Variants in ASIC2 observed in about 807,000 individuals in gnomAD.
ASIC2 encodes acid sensing ion channel subunit 2, also known as acid-sensing ion channel 2.
In ASIC2, 25 loss-of-function variants were observed where a neutral mutation model predicts 57.3. That is an observed-to-expected ratio of 0.44 (90% CI 0.32 to 0.61). The LOEUF (loss-of-function observed/expected upper bound fraction) is 0.61. Among genes scored for constraint, ASIC2 ranks in the 20% least tolerant of loss-of-function variants. The pLI is 0.06. For synonymous variants in ASIC2, 319 were observed against 307.5 expected, an observed-to-expected ratio of 1.04 and a Z score of -0.39; for missense variants, 641 against 738.1, an observed-to-expected ratio of 0.87 and a Z score of 1.52.
chr17:33,474,058 C>T (rs1913138639), intron 1 of ASIC2, among the ~76,000 whole-genome samples: 1 of 152,192 alleles, frequency 6.6e-6, no homozygotes, highest in Non-Finnish European at 1.5e-5. Flanking sequence ...TTGAGTCAGA[C>T]AGAGTCCTAA....
intron 1 of ASIC2, among the ~76,000 whole-genome samples, chr17:33,890,344 A>C (rs1206016988): frequency 6.6e-6 from 1 of 152,214 alleles, no homozygotes; most frequent in East Asian, 1.9e-4. Context: ...GTAAACACCC[A>C]TCCTGCATGG....
intron 1 of ASIC2, among the ~76,000 whole-genome samples, chr17:33,419,239 G>A (rs1349700082): frequency 6.6e-6 from 1 of 152,244 alleles, no homozygotes; most frequent in Non-Finnish European, 1.5e-5. Flanking sequence ...ACTCATAAAT[G>A]TGTGCTGGGT....
At chr17:33,643,012 T>C (rs1015069376) in intron 1 of ASIC2, among the ~76,000 whole-genome samples, 2 of 152,168 alleles carry the variant, frequency 1.3e-5, no homozygotes, top group Admixed American at 6.5e-5. Flanking sequence ...ACGTAGATAC[T>C]CCAGTAAGTT....
intron 3 of ASIC2, among the ~76,000 whole-genome samples, chr17:33,054,880 G>T (rs1223334292): frequency 6.6e-6 from 1 of 152,150 alleles, no homozygotes; most frequent in Non-Finnish European, 1.5e-5. Flanking sequence ...TTATTTTAGG[G>T]CGTGATGTAG....
chr17:33,058,505 A>G (rs2092007451), intron 3 of ASIC2, among the ~76,000 whole-genome samples: 1 of 151,420 alleles, frequency 6.6e-6, no homozygotes, highest in African/African-American at 2.4e-5. Flanking sequence ...AACCCAAAAC[A>G]ACAACAAAAA....
chr17:33,291,315 C>T, intron 1 of ASIC2, 93 bp downstream of exon 1: 1 of 1,471,044 alleles, frequency 6.8e-7, no homozygotes, highest in Non-Finnish European at 9.0e-7. Flanking sequence ...TGCAAGAGGC[C>T]TGGGGACAGC....
chr17:33,846,994 C>G (rs1913626084), intron 1 of ASIC2, among the ~76,000 whole-genome samples: 1 of 152,110 alleles, frequency 6.6e-6, no homozygotes. Flanking sequence ...GCTCCTCAGG[C>G]TCTCAGCAAG....
At chr17:33,027,317 C>G (rs1598240956) in intron 4 of ASIC2, among the ~76,000 whole-genome samples, 2 of 152,108 alleles carry the variant, frequency 1.3e-5, no homozygotes, top group East Asian at 3.9e-4. Context: ...CAGATTATCA[C>G]AGAAAACAAT....
intron 1 of ASIC2, among the ~76,000 whole-genome samples, chr17:33,598,955 T>G (rs1361518856): frequency 2.0e-5 from 3 of 152,148 alleles, no homozygotes; most frequent in Non-Finnish European, 4.4e-5. Context: ...TGGAAACAGA[T>G]AGCACCATTT....
At chr17:33,682,226 ATT>A (rs72139419) in intron 1 of ASIC2, among the ~76,000 whole-genome samples, 90 of 146,022 alleles carry the variant, frequency 6.2e-4, no homozygotes, top group Non-Finnish European at 8.5e-4. Context: ...TGCCTGGCTA[ATT>A]TTTTTTTTTT....
intron 1 of ASIC2, among the ~76,000 whole-genome samples, chr17:34,138,244 C>T (rs1376909181): frequency 6.6e-6 from 1 of 152,150 alleles, no homozygotes; most frequent in African/African-American, 2.4e-5. Flanking sequence ...CGATTGTGTC[C>T]CTGGGAGGAT....
intron 1 of ASIC2, among the ~76,000 whole-genome samples, chr17:33,855,846 G>A (rs1247232451): frequency 6.6e-6 from 1 of 152,162 alleles, no homozygotes; most frequent in Non-Finnish European, 1.5e-5. Context: ...CATGAGACAG[G>A]AGTAGCCAAA....
chr17:34,109,695 T>C (rs1301016529), intron 1 of ASIC2, among the ~76,000 whole-genome samples: 2 of 152,198 alleles, frequency 1.3e-5, no homozygotes, highest in Non-Finnish European at 2.9e-5. Context: ...TAAACCTGCA[T>C]CTTTTCATGT....
intron 1 of ASIC2, among the ~76,000 whole-genome samples, chr17:33,558,471 TC>T (rs1915975299): frequency 6.6e-6 from 1 of 152,234 alleles, no homozygotes; most frequent in South Asian, 2.1e-4. Flanking sequence ...TGTGGTGTTC[TC>T]TAATCTCCTC....
chr17:33,291,232 T>G (rs996470385), intron 1 of ASIC2, 176 bp downstream of exon 1: 6 of 1,356,830 alleles, frequency 4.4e-6, no homozygotes, highest in Non-Finnish European at 5.7e-6. Flanking sequence ...AAGTCCAAGT[T>G]CCCACAACCT....
intron 1 of ASIC2, among the ~76,000 whole-genome samples, chr17:33,288,714 T>TAACACACACA: frequency 1.1e-5 from 1 of 91,708 alleles, no homozygotes; most frequent in Non-Finnish European, 2.3e-5. Context: ...GAGCTCTCTC[T>TAACACACACA]GACACACACA....
chr17:33,251,129 C>T (rs1597651318), intron 1 of ASIC2, among the ~76,000 whole-genome samples: 1 of 152,148 alleles, frequency 6.6e-6, no homozygotes, highest in Non-Finnish European at 1.5e-5. Flanking sequence ...ACAGACAGAT[C>T]CTGGGCTAAA....
chr17:33,080,783 CG>C (rs2092110153), intron 3 of ASIC2, among the ~76,000 whole-genome samples: 1 of 152,068 alleles, frequency 6.6e-6, no homozygotes, highest in South Asian at 2.1e-4. Context: ...GACCAGCAGG[CG>C]GGCAGTGTAT....
chr17:33,667,248 G>A (rs1907506201), intron 1 of ASIC2, among the ~76,000 whole-genome samples: 4 of 152,224 alleles, frequency 2.6e-5, no homozygotes, highest in African/African-American at 4.8e-5. Flanking sequence ...CGCAGGTGTG[G>A]TTGGCACGGG....
Sources: gnomAD v4.1 joint callset for allele counts (sites outside exome capture counted in the v4.1 genomes callset) on GRCh38, gnomAD v4.1.1 for gene constraint, MANE v1.5 for transcripts, NCBI Gene and HGNC (gene_info 2026-07-23, HGNC 2026-07-21) for gene names.